Variants in RBFOX1 observed in about 807,000 individuals in gnomAD.
RBFOX1 encodes RNA binding protein fox-1 homolog 1.
A neutral mutation model predicts 57.7 loss-of-function variants in RBFOX1; 8 were observed. That is an observed-to-expected ratio of 0.14 (90% CI 0.08 to 0.25). RBFOX1 has a LOEUF of 0.25. Ranked by LOEUF, RBFOX1 falls within the 10% of genes least tolerant of loss-of-function variation. The pLI is 1.00. For synonymous variants in RBFOX1, 326 were observed against 222.4 expected, an observed-to-expected ratio of 1.47 and a Z score of -4.15; for missense variants, 611 against 548.5, an observed-to-expected ratio of 1.11 and a Z score of -1.14.
chr16:7,052,053 C>T lies in RBFOX1; in HGVS notation c.-15-4C>T, dbSNP rs759174003. The T allele has an allele frequency of 1.9e-6, 3 of 1,611,936 alleles. No homozygotes were observed. The South Asian group carries it at 3.3e-5, about 18-fold the overall frequency. ...TTTTCCCCTTCATTTTCTTTTCTTT[C>T]TAGGTTTCAAGACAACAGATGAATT... On this transcript the variant is annotated splice_region_variant and splice_polypyrimidine_tract_variant and intron_variant, in intron 3 of 15. Coordinates refer to ENST00000550418, the MANE Select transcript of RBFOX1 (RefSeq NM_018723.4).
chr16:6,863,162 G>A (rs1184910374), intron 3 of RBFOX1, among the ~76,000 whole-genome samples: 1 of 152,038 alleles, frequency 6.6e-6, no homozygotes, highest in Admixed American at 6.6e-5. Context: ...AAAAGTCTAG[G>A]TGAAAAAACA....
intron 4 of RBFOX1, among the ~76,000 whole-genome samples, chr16:7,424,922 T>A (rs905871863): frequency 7.2e-5 from 11 of 152,196 alleles, no homozygotes; most frequent in Admixed American, 3.3e-4. Context: ...ATACAAATTA[T>A]ATTCCAAAGG....
At chr16:6,625,701 A>T (rs1382070162) in intron 2 of RBFOX1, among the ~76,000 whole-genome samples, 1 of 151,308 alleles carries the variant, frequency 6.6e-6, no homozygotes, top group African/African-American at 2.4e-5. Context: ...TCTTCCAATT[A>T]ATGTAATCTT....
intron 3 of RBFOX1, among the ~76,000 whole-genome samples, chr16:5,802,270 T>G (rs1222565592): frequency 6.6e-6 from 1 of 152,104 alleles, no homozygotes; most frequent in Non-Finnish European, 1.5e-5. Context: ...GTCCTTTTCT[T>G]CCTCTTCTCC....
intron 4 of RBFOX1, among the ~76,000 whole-genome samples, chr16:7,340,616 A>T (rs746283795): frequency 6.6e-6 from 1 of 152,182 alleles, no homozygotes; most frequent in Non-Finnish European, 1.5e-5. Flanking sequence ...TGTTTCTCAG[A>T]TTCATGATCC....
chr16:7,666,065 TTTC>T (rs547646764), intron 13 of RBFOX1, among the ~76,000 whole-genome samples: 3 of 152,158 alleles, frequency 2.0e-5, no homozygotes, highest in Non-Finnish European at 4.4e-5. Flanking sequence ...AGTGATCAAT[TTTC>T]TTCTTTTTTG....
At chr16:7,043,831 C>G (rs550159008) in intron 3 of RBFOX1, among the ~76,000 whole-genome samples, 1 of 152,236 alleles carries the variant, frequency 6.6e-6, no homozygotes, top group South Asian at 2.1e-4. Flanking sequence ...AATTACTGCA[C>G]TTCCATAATC....
chr16:6,892,968 C>G (rs1381824852), intron 3 of RBFOX1, among the ~76,000 whole-genome samples: 2 of 152,070 alleles, frequency 1.3e-5, no homozygotes, highest in Admixed American at 1.3e-4. Flanking sequence ...TTGCCTTGAT[C>G]TAGTTTTACT....
chr16:6,838,289 T>C (rs1436927530), intron 3 of RBFOX1, among the ~76,000 whole-genome samples: 1 of 152,172 alleles, frequency 6.6e-6, no homozygotes, highest in Non-Finnish European at 1.5e-5. Flanking sequence ...TTTGGTTTTC[T>C]GTTCCTGTGA....
At chr16:5,648,315 G>C (rs980025449) in intron 3 of RBFOX1, among the ~76,000 whole-genome samples, 1 of 152,228 alleles carries the variant, frequency 6.6e-6, no homozygotes, top group African/African-American at 2.4e-5. Flanking sequence ...CACTTTCTTA[G>C]GTAGTGCAAC....
At chr16:6,171,146 G>C (rs1322310740) in intron 1 of RBFOX1, among the ~76,000 whole-genome samples, 3 of 152,148 alleles carry the variant, frequency 2.0e-5, no homozygotes, top group Non-Finnish European at 2.9e-5. Flanking sequence ...TCTGTTTTTA[G>C]GTAGAGCTTG....
At chr16:6,968,096 G>C (rs1347317905) in intron 3 of RBFOX1, among the ~76,000 whole-genome samples, 1 of 152,116 alleles carries the variant, frequency 6.6e-6, no homozygotes. Flanking sequence ...CCACTGGAAT[G>C]GATCTGTGGC....
chr16:6,973,540 C>T (rs867188690), intron 3 of RBFOX1, among the ~76,000 whole-genome samples: 1 of 152,144 alleles, frequency 6.6e-6, no homozygotes, highest in Non-Finnish European at 1.5e-5. Context: ...GATTTTTCAG[C>T]TTCTGTTTGG....
intron 5 of RBFOX1, among the ~76,000 whole-genome samples, chr16:7,537,286 G>A (rs748364902): frequency 4.6e-5 from 7 of 152,318 alleles, no homozygotes; most frequent in Admixed American, 2.6e-4. Context: ...TAATCTGCCA[G>A]AGCTCTCTGT....
At chr16:7,315,443 C>A (rs1172120776) in intron 4 of RBFOX1, among the ~76,000 whole-genome samples, 1 of 135,920 alleles carries the variant, frequency 7.4e-6, no homozygotes, top group Non-Finnish European at 1.5e-5. Context: ...TGATTAAAGC[C>A]CTACTCTACC....
Position 6,623,522 on chromosome 16 carries a change from C to G in RBFOX1, c.-63-31081C>G, listed in dbSNP as rs540700058. The stretch of plus-strand genomic sequence containing the variant: ...GGTTAGTTACATATGCATACGTTTG[C>G]CATGTTGGTGTGCTGCACTCATTAA... On this transcript the variant is annotated intron_variant, in intron 2 of 15. Coordinates refer to ENST00000550418, the MANE Select transcript of RBFOX1 (RefSeq NM_018723.4). Among the ~76,000 whole-genome samples, 3 of 151,814 alleles carry G rather than the reference C, an allele frequency of 2.0e-5. No homozygotes were observed. In the South Asian group the frequency reaches 6.3e-4, roughly 32 times the overall value.
At chr16:7,699,734 CTTTT>C (rs143846992) in intron 14 of RBFOX1, among the ~76,000 whole-genome samples, 172 of 148,656 alleles carry the variant, frequency 1.2e-3, no homozygotes, top group Middle Eastern at 6.9e-3. Context: ...ATGAGTTCAC[CTTTT>C]TTTTTTACTT....
At chr16:5,598,378 T>G (rs2047256900) in intron 2 of RBFOX1, among the ~76,000 whole-genome samples, 1 of 152,190 alleles carries the variant, frequency 6.6e-6, no homozygotes, top group Admixed American at 6.5e-5. Flanking sequence ...GGACCAGCAC[T>G]GCCTCAGGAG....
chr16:5,871,923 C>G (rs550453166), intron 4 of RBFOX1, among the ~76,000 whole-genome samples: 1 of 152,222 alleles, frequency 6.6e-6, no homozygotes, highest in East Asian at 1.9e-4. Flanking sequence ...CAAATAATTG[C>G]AATGGGAAAC....
Sources: gnomAD v4.1 joint callset for allele counts (sites outside exome capture counted in the v4.1 genomes callset) on GRCh38, gnomAD v4.1.1 for gene constraint, MANE v1.5 for transcripts, NCBI Gene and HGNC (gene_info 2026-07-23, HGNC 2026-07-21) for gene names.